The following LPA variants were observed in gnomAD, a reference collection of about 807,000 sequenced individuals.
LPA encodes the protein apolipoprotein(a).
A neutral mutation model predicts 197.9 loss-of-function variants in LPA; 199 were observed. The observed-to-expected ratio is 1.01, with a 90% CI of 0.90 to 1.13. The LOEUF is 1.13. Among genes scored for constraint, LPA ranks in the 50% most tolerant of loss-of-function variants. LPA has a pLI of 0.00. For missense variants in LPA, 1,853 were observed against 1,785.8 expected, an observed-to-expected ratio of 1.04 and a Z score of -0.68; for synonymous variants, 715 against 639.5, an observed-to-expected ratio of 1.12 and a Z score of -1.78.
chr6:160,652,760 T>C (rs1780029659), intron 1 of LPA, among the ~76,000 whole-genome samples: 1 of 152,098 alleles, frequency 6.6e-6, no homozygotes, highest in South Asian at 2.1e-4. Context: ...CAAAGAGCAA[T>C]AGCACAACAT....
At chr6:160,538,511 T>A (rs41266362) in intron 36 of LPA, among the ~76,000 whole-genome samples, 3,158 of 152,292 alleles carry the variant, frequency 0.021, 107 homozygotes, top group African/African-American at 0.072. Context: ...TTGCATGAAC[T>A]AAATGGTATT....
At chr6:160,602,241 T>A (rs1779258300) in intron 18 of LPA, among the ~76,000 whole-genome samples, 2 of 152,188 alleles carry the variant, frequency 1.3e-5, no homozygotes, top group South Asian at 4.1e-4. Flanking sequence ...TTGGCTTCCC[T>A]CTTTTGGATA....
intron 37 of LPA, among the ~76,000 whole-genome samples, chr6:160,533,709 T>C (rs1777841570): frequency 1.3e-5 from 2 of 152,252 alleles, no homozygotes; most frequent in Admixed American, 1.3e-4. Context: ...TGATATTCAA[T>C]TTTTAAAATA....
rs928539098 is a variant in LPA, at chr6:160,599,569, C to A, written c.3218G>T (p.Arg1073Ile). ...RGTYSTTVTGRTCQAWSSMTP... is the reference protein window; with the variant it reads ...RGTYSTTVTGITCQAWSSMTP... Reference sequence around the variant, plus strand: ...CATAGATGACCAAGCTTGGCAAGTTCTTCCTGTGACAGTGGTGGAGTATGT... The same window carrying A: ...CATAGATGACCAAGCTTGGCAAGTTATTCCTGTGACAGTGGTGGAGTATGT... Residue 1073 changes from arginine to isoleucine, a missense_variant, in exon 20 of 39, where the codon AGA (arginine) becomes ATA (isoleucine). By Grantham distance (97) the Arg-to-Ile change is moderately conservative. Around this residue, in one of 3 missense-constraint regions of LPA, gnomAD observed 1,737 missense variants for 1,504.4 expected, o/e 1.15. Coordinates refer to ENST00000316300, the MANE Select transcript of LPA (RefSeq NM_005577.4). The A allele has an allele frequency of 6.2e-7, 1 of 1,613,994 alleles. No individual in the cohort carries two copies. The highest frequency in any genetic ancestry group is 8.5e-7 in the Non-Finnish European group (1 of 1,179,998).
intron 17 of LPA, among the ~76,000 whole-genome samples, chr6:160,605,434 T>A (rs534767892): frequency 2.6e-5 from 4 of 152,264 alleles, no homozygotes; most frequent in South Asian, 4.1e-4. Context: ...TTTAGAACTG[T>A]AGTAAGTTCT....
chr6:160,658,238 A>T (rs971504774), intron 1 of LPA, among the ~76,000 whole-genome samples: 1 of 152,136 alleles, frequency 6.6e-6, no homozygotes, highest in Non-Finnish European at 1.5e-5. Context: ...TCTCCCACAC[A>T]TCCCCACTCC....
chr6:160,548,589 T>A lies in LPA; in HGVS notation c.5044A>T (p.Ser1682Cys). 6.2e-7 allele frequency: 1 copy of A among 1,614,092 alleles called. No homozygotes were observed. The highest frequency in any genetic ancestry group is 8.5e-7 in the Non-Finnish European group (1 of 1,179,990). The change falls in exon 31 of 39, where the codon AGC (serine) becomes TGC (cysteine). Residue 1682 changes from serine (S) to cysteine (C), a missense_variant. Ser to Cys is a moderately radical substitution (Grantham distance 112, BLOSUM62 -1). Transcript: ENST00000316300. ...AGGTTGCAGTACTCCCACCTGATGC[T>A]GGGGTCCATGGTAAAACACCAAGGG... The part of the protein sequence containing the change: ...TGPWCFTMDP[S>C]IRWEYCNLTR...
At chr6:160,596,059 T>G (rs2115049719) in intron 20 of LPA, among the ~76,000 whole-genome samples, 1 of 152,370 alleles carries the variant, frequency 6.6e-6, no homozygotes, top group Non-Finnish European at 1.5e-5. Flanking sequence ...GCATCTGGTT[T>G]GCTGATTTGT....
At chr6:160,607,367 C>T (rs1779380043) in intron 16 of LPA, among the ~76,000 whole-genome samples, 1 of 152,142 alleles carries the variant, frequency 6.6e-6, no homozygotes, top group African/African-American at 2.4e-5. Flanking sequence ...TGGGCAGGAC[C>T]TTCTCTCCTG....
intron 28 of LPA, among the ~76,000 whole-genome samples, chr6:160,567,456 G>A (rs1291122516): frequency 6.6e-6 from 1 of 152,174 alleles, no homozygotes; most frequent in Non-Finnish European, 1.5e-5. Context: ...TGACAACAAA[G>A]ACACAACATA....
chr6:160,555,612 T>C (rs927117858), intron 30 of LPA, among the ~76,000 whole-genome samples: 1 of 151,518 alleles, frequency 6.6e-6, no homozygotes, highest in Non-Finnish European at 1.5e-5. Context: ...TATACTCATA[T>C]ACATGTGAAT....
chr6:160,646,917 C>G (rs6906446), intron 2 of LPA, among the ~76,000 whole-genome samples: 15,131 of 151,092 alleles, frequency 0.1, 2,692 homozygotes, highest in African/African-American at 0.35. Flanking sequence ...AACTCTCACA[C>G]TCCATGTACT....
At chr6:160,585,596 G>A (rs1021492551) in intron 25 of LPA, among the ~76,000 whole-genome samples, 6 of 151,998 alleles carry the variant, frequency 3.9e-5, no homozygotes, top group Non-Finnish European at 8.8e-5. Flanking sequence ...CTGTTAGTGG[G>A]GGGTATACAT....
rs1012298292 is a variant in LPA at position 160,611,483 on chromosome 6, A to G, written c.2603+79T>C. 22 of 1,581,148 alleles carry G rather than the reference A, an allele frequency of 1.4e-5. 1 individual carries two copies. The highest frequency in any genetic ancestry group is 1.9e-5 in the Non-Finnish European group (22 of 1,160,306). The stretch of plus-strand genomic sequence containing the variant: ...ATCTGACACAAGTTGAGTTCGGAGA[A>G]CTCAGCTTGAAGCATGTCTCTTGTC... On this transcript the variant is annotated intron_variant, in intron 16 of 38. Transcript: ENST00000316300.
In LPA at chr6:160,594,111, G is replaced by C. The variant is rs187364344; in HGVS notation, c.3476C>G (p.Thr1159Arg). ...ATCCTGGACCCCGGGGCTTTGCTCC[G>C]TTGGTGCTGAAATTCAAAGAGGAGA... ...STEASSEEAP[T>R]EQSPGVQDCY... The change falls in exon 22 of 39, where the codon ACG becomes AGG. Residue 1159 changes from threonine (T) to arginine (R), a missense_variant. By Grantham distance (71) the Thr-to-Arg change is moderately conservative. Coordinates refer to ENST00000316300, the MANE Select transcript of LPA (RefSeq NM_005577.4). 9.3e-6 allele frequency: 15 copies of C among 1,613,656 alleles called. No homozygotes were observed. Among genetic ancestry groups the C allele is most frequent in the African/African-American group, 1.3e-5 (1 of 74,864 alleles).
chr6:160,586,656 C>A, intron 24 of LPA, 26 bp from the exon 25 acceptor site: 15 of 1,613,288 alleles, frequency 9.3e-6, no homozygotes, highest in Non-Finnish European at 1.3e-5. Flanking sequence ...CAATACAGGT[C>A]ACCAGAGATT....
At chr6:160,611,173 C>G (rs1179728190) in intron 16 of LPA, among the ~76,000 whole-genome samples, 3 of 152,012 alleles carry the variant, frequency 2.0e-5, no homozygotes, top group Middle Eastern at 3.2e-3. Context: ...CCTCATGAGC[C>G]CAGACAGAAA....
intron 1 of LPA, among the ~76,000 whole-genome samples, chr6:160,653,988 A>AGT (rs1355029979): frequency 1.7e-4 from 3 of 17,552 alleles, no homozygotes; most frequent in Admixed American, 1.1e-3. Flanking sequence ...TATAATATAT[A>AGT]ATATATATTA....
At chr6:160,594,837 A>G (rs1218193698) in intron 21 of LPA, among the ~76,000 whole-genome samples, 1 of 152,240 alleles carries the variant, frequency 6.6e-6, no homozygotes, top group Non-Finnish European at 1.5e-5. Context: ...GAGATAGGCC[A>G]GAACGATGGA....
Sources: gnomAD v4.1 joint callset for allele counts (sites outside exome capture counted in the v4.1 genomes callset) on GRCh38, gnomAD v4.1.1 for gene constraint, gnomAD v4.1.1 regional missense constraint, MANE v1.5 for transcripts, NCBI Gene and HGNC (gene_info 2026-07-23, HGNC 2026-07-21) for gene names.